KRTAP11-1: variants seen among roughly 807,000 people sequenced by gnomAD.
The protein encoded by KRTAP11-1 is keratin-associated protein 11-1.
KRTAP11-1 carries 17 observed loss-of-function variants against 13.9 expected under a neutral mutation model. The observed-to-expected ratio is 1.23, with a 90% CI of 0.84 to 1.84. The LOEUF is 1.84. KRTAP11-1 is among the 40% of genes most tolerant of loss of function. The pLI is 0.00. For synonymous variants in KRTAP11-1, 69 were observed against 81.6 expected (o/e 0.85, Z 0.84); for missense variants, 181 against 200.9 (o/e 0.90, Z 0.60).
Position 30,881,047 on chromosome 21 carries a change from G to A in KRTAP11-1, c.478C>T (p.Arg160Ter), listed in dbSNP as rs369918804. 83 of 1,612,286 alleles carry A rather than the reference G, an allele frequency of 5.1e-5. No individual in the cohort carries two copies. The Middle Eastern group carries it at 1.5e-3, about 29-fold the overall frequency. The change falls in exon 1 of 1, where the codon CGA (arginine) becomes TGA (stop). Residue 160 changes from arginine to a stop codon, truncating the protein, a stop_gained. Transcript: ENST00000332378. LOFTEE classifies it high-confidence loss of function. Reference sequence around the variant, plus strand: ...CTCCTACACACTTAGCAGGTTCTTCGGCAGCTGGACACGCAGGACTGCTGA... The same window carrying A: ...CTCCTACACACTTAGCAGGTTCTTCAGCAGCTGGACACGCAGGACTGCTGA... ...TYQQSCVSSC[R>*]RTC
chr21:30,880,957 C>A lies in KRTAP11-1; in HGVS notation c.*76G>T. 1 of 1,541,572 alleles carries A rather than the reference C, an allele frequency of 6.5e-7. No individual in the cohort carries two copies. Among genetic ancestry groups the A allele is most frequent in the South Asian group, 1.3e-5 (1 of 79,462 alleles). On this transcript the variant is annotated 3_prime_UTR_variant, in exon 1 of 1. Coordinates refer to ENST00000332378, the MANE Select transcript of KRTAP11-1 (RefSeq NM_175858.3). ...TCAGCTATGAAGAGCTATTCAGGGA[C>A]AAGCAGCATGCTGGAAGATCCTGGA...
rs775743877 is a variant in KRTAP11-1, at chr21:30,881,354, T to C, written c.171A>G (p.Gln57=). The C allele has an allele frequency of 3.1e-6, 5 of 1,613,984 alleles. No individual in the cohort carries two copies. Among genetic ancestry groups the C allele is most frequent in the East Asian group, 2.2e-5 (1 of 44,868 alleles). The change falls in exon 1 of 1, where the codon CAA becomes CAG. Residue 57 remains glutamine (Q), a synonymous_variant. Coordinates refer to ENST00000332378, the MANE Select transcript of KRTAP11-1 (RefSeq NM_175858.3). ...QTGSWLLDHC[Q]ETCCEPTACQ... ...AAGCAGTGGGCTCACAGCAGGTCTC[T>C]TGACAGTGGTCCAGGAGCCAAGAGC...
chr21:30,880,897 G>A lies in KRTAP11-1; in HGVS notation c.*136C>T, dbSNP rs1045801322. ...GAGTGCTAAAGACAGCGTGTGCATG[G>A]ATAGTAGCCAGCAGTCAGGCGGTCA... is the stretch of plus-strand genomic sequence containing the variant. On this transcript the variant is annotated 3_prime_UTR_variant, in exon 1 of 1. Transcript: ENST00000332378. The A allele has an allele frequency of 1.2e-5, 14 of 1,176,108 alleles. No individual in the cohort carries two copies. In the East Asian group the frequency reaches 2.4e-4, roughly 20 times the overall value. 72.9% of individuals were successfully genotyped at this position (1,176,108 alleles called of 1,614,324 possible).
Position 30,881,472 on chromosome 21 carries a change from C to T in KRTAP11-1, c.53G>A (p.Arg18His), listed in dbSNP as rs762379650. 2.1e-5 allele frequency: 34 copies of T among 1,613,852 alleles called. No homozygotes were observed. The highest frequency in any genetic ancestry group is 2.5e-5 in the Non-Finnish European group (30 of 1,179,884). Residue 18 changes from arginine to histidine, a missense_variant, in exon 1 of 1, where the codon CGC becomes CAC. Arg to His is a conservative substitution (Grantham distance 29). Transcript: ENST00000332378. Reference protein sequence around the residue: ...RNCSSRPIGGRCIVPVAQVTT... With the variant: ...RNCSSRPIGGHCIVPVAQVTT... ...AACTTGGGCCACTGGAACAATGCAGCGTCCTCCAATGGGCCTGGAAGAGCA... is the reference window on the plus strand; with the variant it reads ...AACTTGGGCCACTGGAACAATGCAGTGTCCTCCAATGGGCCTGGAAGAGCA...
rs1461732589 is a variant in KRTAP11-1 at position 30,881,040 on chromosome 21, G to A, written c.485C>T (p.Thr162Ile). The change falls in exon 1 of 1, where the codon ACC becomes ATC. Residue 162 changes from threonine to isoleucine, a missense_variant. Transcript: ENST00000332378. ...QQSCVSSCRR[T>I]C is the part of the protein sequence containing the mutation. Reference sequence around the variant, plus strand: ...TCACTGGCTCCTACACACTTAGCAGGTTCTTCGGCAGCTGGACACGCAGGA... The same window carrying A: ...TCACTGGCTCCTACACACTTAGCAGATTCTTCGGCAGCTGGACACGCAGGA... The A allele has an allele frequency of 6.2e-7, 1 of 1,611,920 alleles. No homozygotes were observed.
Position 30,881,531 on chromosome 21 carries a change from A to C in KRTAP11-1, c.-7T>G. 1 of 1,597,264 alleles carries C rather than the reference A, an allele frequency of 6.3e-7. No individual in the cohort carries two copies. Among genetic ancestry groups the C allele is most frequent in the Non-Finnish European group, 8.5e-7 (1 of 1,171,968 alleles). On this transcript the variant is annotated 5_prime_UTR_variant, in exon 1 of 1. Transcript: ENST00000332378. ...TGGAGCAGTTGAAGGACATGATGTC[A>C]GACAGAGGGCTGCAGGTAGCTTGCT...
In KRTAP11-1 at chr21:30,881,305, T is replaced by C; in HGVS notation, c.220A>G (p.Thr74Ala). The C allele has an allele frequency of 6.2e-7, 1 of 1,614,108 alleles. No individual in the cohort carries two copies. Among genetic ancestry groups the C allele is most frequent in the Non-Finnish European group, 8.5e-7 (1 of 1,179,990 alleles). Residue 74 changes from threonine to alanine, a missense_variant, in exon 1 of 1, where the codon ACT becomes GCT. Transcript: ENST00000332378. ...TGGCAAGGGTTGGAGACACATGAAG[T>C]TCGCCGGTAACAGGTTGGCTGGCAA... ...TACQPTCYRR[T>A]SCVSNPCQVT...
Position 30,881,148 on chromosome 21 carries a change from C to A in KRTAP11-1, c.377G>T (p.Gly126Val), listed in dbSNP as rs1986202805. The A allele has an allele frequency of 6.2e-7, 1 of 1,614,104 alleles. No individual in the cohort carries two copies. The highest frequency in any genetic ancestry group is 8.5e-7 in the Non-Finnish European group (1 of 1,180,010). Residue 126 changes from glycine (G) to valine (V), a missense_variant, in exon 1 of 1, where the codon GGC becomes GTC. Coordinates refer to ENST00000332378, the MANE Select transcript of KRTAP11-1 (RefSeq NM_175858.3). ...CACTGGTTGGCAGACAGTAGAGATG[C>A]CGCCCACTGGTTGGCAGACACTGGA... ...GISSVCQPVG[G>V]ISTVCQPVGG...
chr21:30,880,912 T>G lies in KRTAP11-1; in HGVS notation c.*121A>C, dbSNP rs781499799. 287 of 1,298,902 alleles carry G rather than the reference T, an allele frequency of 2.2e-4. No individual in the cohort carries two copies. Among genetic ancestry groups the G allele is most frequent in the Non-Finnish European group, 3.0e-4 (277 of 938,394 alleles). 80.5% of individuals were successfully genotyped at this position (1,298,902 alleles called of 1,614,324 possible). A position where few individuals can be genotyped will look rare whatever the true frequency, so the allele number is the denominator to read the frequency against. On this transcript the variant is annotated 3_prime_UTR_variant, in exon 1 of 1. Transcript: ENST00000332378. ...CGTGTGCATGGATAGTAGCCAGCAG[T>G]CAGGCGGTCACAAGAAGGGTCAGCT...
In KRTAP11-1 at chr21:30,881,175, A is replaced by G. The variant is rs2146077338; in HGVS notation, c.350T>C (p.Ile117Thr). 1.2e-6 allele frequency: 2 copies of G among 1,614,040 alleles called. No individual in the cohort carries two copies. Among genetic ancestry groups the G allele is most frequent in the Non-Finnish European group, 1.7e-6 (2 of 1,179,992 alleles). The change falls in exon 1 of 1, where the codon ATC (isoleucine) becomes ACC (threonine). Residue 117 changes from isoleucine to threonine, a missense_variant. Coordinates refer to ENST00000332378, the MANE Select transcript of KRTAP11-1 (RefSeq NM_175858.3). ...GCCCACTGGTTGGCAGACACTGGAG[A>G]TGCCTCCCAGGGGCTGACATCCACT... is the stretch of plus-strand genomic sequence containing the variant. ...VSSGCQPLGG[I>T]SSVCQPVGGI...
chr21:30,881,363 G>T lies in KRTAP11-1; in HGVS notation c.162C>A (p.Asp54Glu). 6.2e-7 allele frequency: 1 copy of T among 1,614,180 alleles called. No individual in the cohort carries two copies. Among genetic ancestry groups the T allele is most frequent in the Non-Finnish European group, 8.5e-7 (1 of 1,180,014 alleles). ...SSFQTGSWLL[D>E]HCQETCCEPT... ...GCTCACAGCAGGTCTCTTGACAGTG[G>T]TCCAGGAGCCAAGAGCCAGTCTGGA... The change falls in exon 1 of 1, where the codon GAC (aspartate) becomes GAA (glutamate). Residue 54 changes from aspartate (D) to glutamate (E), a missense_variant. Physicochemically the swap from Asp to Glu is conservative, Grantham distance 45. Coordinates refer to ENST00000332378, the MANE Select transcript of KRTAP11-1 (RefSeq NM_175858.3).
At position 30,880,744 on chromosome 21, in the gene KRTAP11-1, G is replaced by A. The variant is rs1330965827; in HGVS notation, c.*289C>T. On this transcript the variant is annotated 3_prime_UTR_variant, in exon 1 of 1. Transcript: ENST00000332378. ...CAGAGGCCAGGAGATACAGCAGCAA[G>A]GTGAAAACATGTCAAAAGCATCAGA... 4.9e-6 allele frequency: 2 copies of A among 406,816 alleles called. No individual in the cohort carries two copies. Among genetic ancestry groups the A allele is most frequent in the African/African-American group, 2.0e-5 (1 of 51,092 alleles). The allele number at this position is 406,816 out of a possible 1,614,324, so 25.2% of individuals were successfully genotyped here. A position where few individuals can be genotyped will look rare whatever the true frequency, so the allele number is the denominator to read the frequency against.
In KRTAP11-1 at chr21:30,880,699, G is replaced by T; in HGVS notation, c.*334C>A. On this transcript the variant is annotated 3_prime_UTR_variant, in exon 1 of 1. Transcript: ENST00000332378. Reference sequence around the variant, plus strand: ...AGAAATACATGGTGAGACAAGCTCTGTTTTTGTGAGACACAAAAGCAGAGG... The same window carrying T: ...AGAAATACATGGTGAGACAAGCTCTTTTTTTGTGAGACACAAAAGCAGAGG... 1 of 295,066 alleles carries T rather than the reference G, an allele frequency of 3.4e-6. No individual in the cohort carries two copies. Among genetic ancestry groups the T allele is most frequent in the Non-Finnish European group, 6.3e-6 (1 of 157,576 alleles). 18.3% of individuals were successfully genotyped at this position (295,066 alleles called of 1,614,324 possible).
chr21:30,880,935 G>A lies in KRTAP11-1; in HGVS notation c.*98C>T, dbSNP rs1463511446. The A allele has an allele frequency of 1.4e-6, 2 of 1,461,298 alleles. No individual in the cohort carries two copies. The highest frequency in any genetic ancestry group is 1.4e-5 in the African/African-American group (1 of 71,170). 90.5% of individuals were successfully genotyped at this position (1,461,298 alleles called of 1,614,324 possible). The stretch of plus-strand genomic sequence containing the variant: ...AGTCAGGCGGTCACAAGAAGGGTCA[G>A]CTATGAAGAGCTATTCAGGGACAAG... On this transcript the variant is annotated 3_prime_UTR_variant, in exon 1 of 1. Transcript: ENST00000332378.
In KRTAP11-1 at chr21:30,880,699, G is replaced by A. The variant is rs1986190758; in HGVS notation, c.*334C>T. On this transcript the variant is annotated 3_prime_UTR_variant, in exon 1 of 1. Coordinates refer to ENST00000332378, the MANE Select transcript of KRTAP11-1 (RefSeq NM_175858.3). ...AGAAATACATGGTGAGACAAGCTCT[G>A]TTTTTGTGAGACACAAAAGCAGAGG... The A allele has an allele frequency of 3.4e-6, 1 of 295,066 alleles. No individual in the cohort carries two copies. The highest frequency in any genetic ancestry group is 6.0e-5 in the East Asian group (1 of 16,640). 18.3% of individuals were successfully genotyped at this position (295,066 alleles called of 1,614,324 possible).
rs150987389 is a variant in KRTAP11-1 at position 30,881,046 on chromosome 21, C to T, written c.479G>A (p.Arg160Gln). 90 of 1,612,120 alleles carry T rather than the reference C, an allele frequency of 5.6e-5. No individual in the cohort carries two copies. The African/African-American group carries it at 9.3e-4, about 17-fold the overall frequency. ...GCTCCTACACACTTAGCAGGTTCTT[C>T]GGCAGCTGGACACGCAGGACTGCTG... ...TYQQSCVSSCRRTC is the reference protein window; with the variant it reads ...TYQQSCVSSCQRTC The change falls in exon 1 of 1, where the codon CGA becomes CAA. Residue 160 changes from arginine to glutamine, a missense_variant. Arg to Gln is a conservative substitution (Grantham distance 43). Coordinates refer to ENST00000332378, the MANE Select transcript of KRTAP11-1 (RefSeq NM_175858.3).
chr21:30,880,972 A>C lies in KRTAP11-1; in HGVS notation c.*61T>G, dbSNP rs1475419985. 2.6e-6 allele frequency: 4 copies of C among 1,558,060 alleles called. No homozygotes were observed. Among genetic ancestry groups the C allele is most frequent in the Non-Finnish European group, 3.5e-6 (4 of 1,150,762 alleles). On this transcript the variant is annotated 3_prime_UTR_variant, in exon 1 of 1. Transcript: ENST00000332378. ...TATTCAGGGACAAGCAGCATGCTGG[A>C]AGATCCTGGAAACAGCTGGCAGGTC...
chr21:30,881,580 T>C lies in KRTAP11-1; in HGVS notation c.-56A>G. Reference sequence around the variant, plus strand: ...CTGAAGTTACCTCCTGAGTTGTGAATGTCACTCCAGACTCCTGAGCTTTTA... The same window carrying C: ...CTGAAGTTACCTCCTGAGTTGTGAACGTCACTCCAGACTCCTGAGCTTTTA... On this transcript the variant is annotated 5_prime_UTR_variant, in exon 1 of 1. Coordinates refer to ENST00000332378, the MANE Select transcript of KRTAP11-1 (RefSeq NM_175858.3). The C allele has an allele frequency of 6.5e-7, 1 of 1,530,202 alleles. No individual in the cohort carries two copies. The highest frequency in any genetic ancestry group is 8.8e-7 in the Non-Finnish European group (1 of 1,136,616). 94.8% of individuals were successfully genotyped at this position (1,530,202 alleles called of 1,614,324 possible).
In KRTAP11-1 at chr21:30,881,411, G is replaced by A. The variant is rs199642395; in HGVS notation, c.114C>T (p.Gly38=). ...GGAAGGAACTGGGCAAACAGATGCC[G>A]CCCAGGCAGTCAGCATCAGTGGTGG... The part of the protein sequence containing the change: ...TTSTTDADCL[G]GICLPSSFQT... The change falls in exon 1 of 1, where the codon GGC becomes GGT. Residue 38 remains glycine, a synonymous_variant. Coordinates refer to ENST00000332378, the MANE Select transcript of KRTAP11-1 (RefSeq NM_175858.3). 1.1e-4 allele frequency: 184 copies of A among 1,614,130 alleles called. No homozygotes were observed. The highest frequency in any genetic ancestry group is 8.2e-4 in the Middle Eastern group (5 of 6,062).
Sources: allele counts gnomAD v4.1 joint callset, GRCh38; gene constraint gnomAD v4.1.1; transcripts MANE v1.5; gene names NCBI Gene and HGNC (gene_info 2026-07-23, HGNC 2026-07-21).